Variants in GYPE observed in about 807,000 individuals in gnomAD.
GYPE encodes the protein glycophorin-E.
GYPE carries 8 observed loss-of-function variants against 11.6 expected under a neutral mutation model. That is an observed-to-expected ratio of 0.69 (90% confidence interval 0.41 to 1.25). The LOEUF (loss-of-function observed/expected upper bound fraction) is 1.25, where lower values mean the gene tolerates loss of function less well. Ranked by LOEUF, GYPE falls within the 50% of genes most tolerant of loss-of-function variation. GYPE has a pLI of 0.01. For missense variants in GYPE, 90 were observed against 92.8 expected, an observed-to-expected ratio of 0.97 and a Z score of 0.12; for synonymous variants, 28 against 29.6, an observed-to-expected ratio of 0.94 and a Z score of 0.18.
chr4:143,894,828 TG>T (rs1468753493), intron 1 of GYPE, among the ~76,000 whole-genome samples: 1 of 152,036 alleles, frequency 6.6e-6, no homozygotes, highest in African/African-American at 2.4e-5. Context: ...GCTTCATCCC[TG>T]GGATGCAAGG....
intron 3 of GYPE, among the ~76,000 whole-genome samples, 152 bp from the exon 4 acceptor site, chr4:143,872,404 G>C (rs1231946410): frequency 6.6e-6 from 1 of 152,104 alleles, no homozygotes; most frequent in Non-Finnish European, 1.5e-5. Flanking sequence ...ATTCCATGCA[G>C]TATAAGCAAA....
chr4:143,875,497 C>T, intron 3 of GYPE: 2 of 1,551,088 alleles, frequency 1.3e-6, no homozygotes, highest in Non-Finnish European at 1.7e-6. Context: ...GCATGCAGGC[C>T]ACATCCTCAT....
intron 1 of GYPE, among the ~76,000 whole-genome samples, chr4:143,903,284 G>A (rs1489398062): frequency 6.6e-6 from 1 of 151,164 alleles, no homozygotes; most frequent in African/African-American, 2.5e-5. Context: ...CCCAACCTCC[G>A]TGTATCCTCC....
chr4:143,874,017 A>G (rs2149902894), intron 3 of GYPE, among the ~76,000 whole-genome samples: 1 of 152,228 alleles, frequency 6.6e-6, no homozygotes, highest in African/African-American at 2.4e-5. Context: ...AACTATGTCA[A>G]TTATAAGTAA....
chr4:143,901,356 T>C (rs1243338461), intron 1 of GYPE, among the ~76,000 whole-genome samples: 4 of 152,156 alleles, frequency 2.6e-5, no homozygotes, highest in African/African-American at 9.7e-5. Flanking sequence ...TTAAAATATA[T>C]TAAAACTTGT....
chr4:143,883,840 A>C lies in GYPE; in HGVS notation c.38-3331T>G, dbSNP rs1744149923. Among the ~76,000 whole-genome samples, 5 of 152,042 alleles carry C rather than the reference A, an allele frequency of 3.3e-5. No individual in the cohort carries two copies. In the South Asian group the frequency reaches 1.0e-3, roughly 32 times the overall value. ...TGCTAACATAAGAAAAAAAAACAAA[A>C]AGTAAAAAATAAAAATACACAAAAC... On this transcript the variant is annotated intron_variant, in intron 1 of 3. Coordinates refer to ENST00000358615, the MANE Select transcript of GYPE (RefSeq NM_198682.3).
At chr4:143,900,624 T>C (rs1476210377) in intron 1 of GYPE, among the ~76,000 whole-genome samples, 1 of 151,018 alleles carries the variant, frequency 6.6e-6, no homozygotes, top group African/African-American at 2.4e-5. Flanking sequence ...AAATGTGATA[T>C]ACCAACACAA....
intron 2 of GYPE, among the ~76,000 whole-genome samples, chr4:143,877,523 T>C (rs564297387): frequency 5.3e-4 from 80 of 152,338 alleles, no homozygotes; most frequent in African/African-American, 1.8e-3. Context: ...AAGTAAGAGA[T>C]ATTTCCATAT....
intron 1 of GYPE, among the ~76,000 whole-genome samples, chr4:143,903,710 C>A (rs1484460393): frequency 2.6e-5 from 4 of 151,908 alleles, no homozygotes; most frequent in Non-Finnish European, 5.9e-5. Flanking sequence ...TACTGGAGAC[C>A]ATTGTAGCTT....
chr4:143,898,057 GAC>G (rs889810061), intron 1 of GYPE, among the ~76,000 whole-genome samples: 10 of 18,976 alleles, frequency 5.3e-4, no homozygotes, highest in Admixed American at 1.2e-3. Context: ...TGTATTAAAA[GAC>G]AGAAACTTTT....
chr4:143,875,270 T>G, intron 3 of GYPE: 1 of 582,566 alleles, frequency 1.7e-6, no homozygotes, highest in South Asian at 2.3e-5. Flanking sequence ...CTTTACATTT[T>G]AAACATAGCT....
At chr4:143,889,977 T>C (rs1239592400) in intron 1 of GYPE, among the ~76,000 whole-genome samples, 1 of 152,214 alleles carries the variant, frequency 6.6e-6, no homozygotes, top group East Asian at 1.9e-4. Flanking sequence ...CTGTGATCTA[T>C]GTAGCAGAAA....
intron 1 of GYPE, among the ~76,000 whole-genome samples, chr4:143,904,329 T>C (rs1205890866): frequency 6.6e-6 from 1 of 152,182 alleles, no homozygotes; most frequent in East Asian, 1.9e-4. Context: ...TCAGTAAGTG[T>C]ATTCCATTAA....
At chr4:143,889,680 T>TTCTAAGATGCTTCACCATTCC (rs1246140215) in intron 1 of GYPE, among the ~76,000 whole-genome samples, 1 of 152,198 alleles carries the variant, frequency 6.6e-6, no homozygotes, top group Admixed American at 6.5e-5. Flanking sequence ...AATGGATGTC[T>TTCTAAGATGCTTCACCATTCC]TCTAAGATGC....
chr4:143,877,311 T>A (rs1050343085), intron 2 of GYPE, among the ~76,000 whole-genome samples: 16 of 152,152 alleles, frequency 1.1e-4, no homozygotes, highest in African/African-American at 3.6e-4. Flanking sequence ...TATAAACAGT[T>A]TACAAATGAA....
intron 3 of GYPE, among the ~76,000 whole-genome samples, chr4:143,876,035 C>T (rs1743795160): frequency 6.6e-6 from 1 of 151,382 alleles, no homozygotes; most frequent in Non-Finnish European, 1.5e-5. Flanking sequence ...GTTAAGAATT[C>T]ATGGGTGGAA....
chr4:143,892,066 C>A (rs1357360857), intron 1 of GYPE, among the ~76,000 whole-genome samples: 5 of 152,172 alleles, frequency 3.3e-5, no homozygotes, highest in African/African-American at 1.2e-4. Context: ...GGAATCTATC[C>A]ATTTCTTCTA....
At chr4:143,904,322 G>C (rs1578985328) in intron 1 of GYPE, among the ~76,000 whole-genome samples, 3 of 152,112 alleles carry the variant, frequency 2.0e-5, no homozygotes, top group African/African-American at 4.8e-5. Context: ...TCAGGCATCA[G>C]TAAGTGTATT....
intron 2 of GYPE, among the ~76,000 whole-genome samples, chr4:143,879,611 A>T (rs973272606): frequency 6.6e-6 from 1 of 151,964 alleles, no homozygotes; most frequent in Non-Finnish European, 1.5e-5. Flanking sequence ...AGAACATATC[A>T]TTTTCCTCTT....
Sources: allele counts gnomAD v4.1 joint callset (sites outside exome capture counted in the v4.1 genomes callset), GRCh38; gene constraint gnomAD v4.1.1; transcripts MANE v1.5; gene names NCBI Gene and HGNC (gene_info 2026-07-23, HGNC 2026-07-21).